NAA15: variants seen among roughly 807,000 people sequenced by gnomAD.
The protein encoded by NAA15 is N-alpha-acetyltransferase 15, NatA auxiliary subunit.
Under a neutral mutation model 114.0 loss-of-function variants are expected in NAA15, and 34 were observed. The observed-to-expected ratio is 0.30, with a 90% CI of 0.23 to 0.40. The LOEUF (loss-of-function observed/expected upper bound fraction) is 0.40. NAA15 is among the 10% of genes least tolerant of loss of function. The probability of loss-of-function intolerance (pLI) is 1.00; values close to 1 mark genes in which losing one functional copy is unlikely to be tolerated. For missense variants in NAA15, 658 were observed against 1,004.5 expected (o/e 0.66, Z 4.66); for synonymous variants, 340 against 338.0 (o/e 1.01, Z -0.06).
intron 1 of NAA15, among the ~76,000 whole-genome samples, chr4:139,331,729 T>C (rs1747012261): frequency 6.6e-6 from 1 of 151,288 alleles, no homozygotes; most frequent in South Asian, 2.1e-4. Context: ...CCTCCCAAAG[T>C]GCTGGGATTA....
At chr4:139,324,379 A>G (rs551234745) in intron 1 of NAA15, among the ~76,000 whole-genome samples, 8 of 152,330 alleles carry the variant, frequency 5.3e-5, no homozygotes, top group Non-Finnish European at 1.0e-4. Flanking sequence ...CATTTCTTCC[A>G]TAGCAAGGGA....
intron 19 of NAA15, among the ~76,000 whole-genome samples, chr4:139,387,162 T>C (rs1477006981): frequency 1.3e-5 from 2 of 152,224 alleles, no homozygotes; most frequent in Non-Finnish European, 2.9e-5. Context: ...AGTTGCTTTG[T>C]AACCTGGCAA....
intron 10 of NAA15, among the ~76,000 whole-genome samples, chr4:139,354,448 A>G (rs1747876479): frequency 6.6e-6 from 1 of 151,594 alleles, no homozygotes; most frequent in Admixed American, 6.6e-5. Context: ...ACAGACATGC[A>G]CCATCATGCC....
Position 139,349,324 on chromosome 4 carries a change from G to A in NAA15, c.692-138G>A. The A allele has an allele frequency of 6.0e-6, 4 of 667,226 alleles. No individual in the cohort carries two copies. The South Asian group carries it at 1.1e-4, about 18-fold the overall frequency. 41.3% of individuals were successfully genotyped at this position (667,226 alleles called of 1,614,324 possible). On this transcript the variant is annotated intron_variant, in intron 6 of 19. Transcript: ENST00000296543. ...ACATAACTTGGTAAATGATCTTAAG[G>A]GAACTGGAACCAGGTCCATCCACTT...
Position 139,351,272 on chromosome 4 carries a change from T to TA in NAA15, c.896dup (p.Asn299LysfsTer6). The TA allele has an allele frequency of 6.2e-7, 1 of 1,603,600 alleles. No homozygotes were observed. Among genetic ancestry groups the TA allele is most frequent in the Non-Finnish European group, 8.5e-7 (1 of 1,172,614 alleles). On this transcript the variant is annotated frameshift_variant, in exon 8 of 20. Coordinates refer to ENST00000296543, the MANE Select transcript of NAA15 (RefSeq NM_057175.5). LOFTEE classifies it high-confidence loss of function. ...GGACTGGTGCCAAGAAGGCTGCCGT[T>TA]AAACTTTTTATCTGGTAAGTGAGAA... is the stretch of plus-strand genomic sequence containing the variant.
intron 4 of NAA15, among the ~76,000 whole-genome samples, chr4:139,341,469 C>G (rs1747386051): frequency 6.6e-6 from 1 of 151,000 alleles, no homozygotes; most frequent in Non-Finnish European, 1.5e-5. Flanking sequence ...GTGGCAGGTG[C>G]CTGTAGTCTA....
At chr4:139,365,912 A>G (rs1748267356) in intron 14 of NAA15, among the ~76,000 whole-genome samples, 1 of 152,226 alleles carries the variant, frequency 6.6e-6, no homozygotes, top group African/African-American at 2.4e-5. Context: ...TAGCAAGGCT[A>G]CAAGTGGTAG....
chr4:139,342,420 A>G (rs542550868), intron 4 of NAA15, among the ~76,000 whole-genome samples: 37 of 150,344 alleles, frequency 2.5e-4, no homozygotes, highest in African/African-American at 8.8e-4. Flanking sequence ...AGTATTTTCT[A>G]TTATTGTTCC....
chr4:139,388,180 T>C lies in NAA15; in HGVS notation c.*96T>C. 1 of 974,724 alleles carries C rather than the reference T, an allele frequency of 1.0e-6. No individual in the cohort carries two copies. The highest frequency in any genetic ancestry group is 1.5e-6 in the Non-Finnish European group (1 of 657,820). The allele number at this position is 974,724 out of a possible 1,614,324, so 60.4% of individuals were successfully genotyped here. On this transcript the variant is annotated 3_prime_UTR_variant, in exon 20 of 20. Transcript: ENST00000296543. ...CTGCATTGCTCTAACTTACACAGAA[T>C]GAGAGGAGTAAATGTTCTTGCCTTC... is the stretch of plus-strand genomic sequence containing the variant.
intron 1 of NAA15, among the ~76,000 whole-genome samples, chr4:139,307,230 C>G (rs1210965592): frequency 1.3e-5 from 2 of 152,184 alleles, no homozygotes; most frequent in Non-Finnish European, 2.9e-5. Flanking sequence ...TATTTGTTAT[C>G]TGCTCTAATA....
In NAA15 at chr4:139,388,716, A is replaced by C. The variant is rs543858986; in HGVS notation, c.*632A>C. 4 of 152,660 alleles carry C rather than the reference A, an allele frequency of 2.6e-5. No homozygotes were observed. The highest frequency in any genetic ancestry group is 7.2e-5 in the African/African-American group (3 of 41,472). 9.5% of individuals were successfully genotyped at this position (152,660 alleles called of 1,614,324 possible). On this transcript the variant is annotated 3_prime_UTR_variant, in exon 20 of 20. Coordinates refer to ENST00000296543, the MANE Select transcript of NAA15 (RefSeq NM_057175.5). ...CTTGTGTTTCCAAAATTCACTGTAC[A>C]TGATCAGTTTGGTGTTCTTGTACCA... is the stretch of plus-strand genomic sequence containing the variant.
At chr4:139,315,003 T>TTC (rs1560952750) in intron 1 of NAA15, among the ~76,000 whole-genome samples, 5 of 79,304 alleles carry the variant, frequency 6.3e-5, no homozygotes, top group Non-Finnish European at 9.5e-5. Flanking sequence ...CAGTTCAGTT[T>TTC]AGTTTAGGTT....
At chr4:139,318,086 T>A (rs1044037013) in intron 1 of NAA15, among the ~76,000 whole-genome samples, 2 of 152,254 alleles carry the variant, frequency 1.3e-5, no homozygotes, top group African/African-American at 4.8e-5. Flanking sequence ...ACCATATATG[T>A]AATTTTCACT....
intron 16 of NAA15, among the ~76,000 whole-genome samples, chr4:139,377,862 A>T (rs557220274): frequency 6.9e-4 from 105 of 152,328 alleles, no homozygotes; most frequent in African/African-American, 2.4e-3. Flanking sequence ...AAATTCTTAA[A>T]TGGAACCCCA....
At chr4:139,365,694 C>A (rs1396432159) in intron 14 of NAA15, among the ~76,000 whole-genome samples, 2 of 151,730 alleles carry the variant, frequency 1.3e-5, no homozygotes, top group Admixed American at 1.3e-4. Flanking sequence ...AAACCCCAAC[C>A]AACCAAACAA....
At chr4:139,309,455 G>GTGTGTGTGTGTGTGTA (rs1553991978) in intron 1 of NAA15, among the ~76,000 whole-genome samples, 17 of 150,416 alleles carry the variant, frequency 1.1e-4, no homozygotes, top group African/African-American at 4.2e-4. Flanking sequence ...GTGTGTGTGT[G>GTGTGTGTGTGTGTGTA]TGTGTGTGTG....
Position 139,376,492 on chromosome 4 carries a change from G to C in NAA15, c.2056+19G>C, listed in dbSNP as rs761049649. ...AGGAAAGGTAGGCAATTAGGGTACA[G>C]TGGCCCTGACAAAACTGATCACTGT... On this transcript the variant is annotated intron_variant, in intron 16 of 19. Transcript: ENST00000296543. 4 of 1,441,680 alleles carry C rather than the reference G, an allele frequency of 2.8e-6. No homozygotes were observed. In the Admixed American group the frequency reaches 6.7e-5, roughly 24 times the overall value. 89.3% of individuals were successfully genotyped at this position (1,441,680 alleles called of 1,614,324 possible).
In NAA15 at chr4:139,349,584, A is replaced by G. The variant is rs1747713502; in HGVS notation, c.811+3A>G. The G allele has an allele frequency of 6.3e-7, 1 of 1,593,990 alleles. No homozygotes were observed. The highest frequency in any genetic ancestry group is 8.5e-7 in the Non-Finnish European group (1 of 1,175,060). On this transcript the variant is annotated splice_donor_region_variant and intron_variant, in intron 7 of 19. Coordinates refer to ENST00000296543, the MANE Select transcript of NAA15 (RefSeq NM_057175.5). Reference sequence around the variant, plus strand: ...CTTGGAAAAAGCACTCAAGCCAGGTAGTATTGTTTAAAACTTACTAAGTTT... The same window carrying G: ...CTTGGAAAAAGCACTCAAGCCAGGTGGTATTGTTTAAAACTTACTAAGTTT...
At position 139,334,262 on chromosome 4, in the gene NAA15, A is replaced by AG. The variant is rs756516309; in HGVS notation, c.139+5dup. On this transcript the variant is annotated splice_donor_region_variant and intron_variant, in intron 2 of 19. Coordinates refer to ENST00000296543, the MANE Select transcript of NAA15 (RefSeq NM_057175.5). ...CCCAAATTTGCAGAGCATGGAGGTAAGTGCAAGTAGATAAAGCTTTACTAC... is the reference window on the plus strand; with the variant it reads ...CCCAAATTTGCAGAGCATGGAGGTAAGGTGCAAGTAGATAAAGCTTTACTAC... The AG allele has an allele frequency of 2.5e-6, 4 of 1,579,166 alleles. No homozygotes were observed.
Sources: gnomAD v4.1 joint callset for allele counts (sites outside exome capture counted in the v4.1 genomes callset) on GRCh38, gnomAD v4.1.1 for gene constraint, MANE v1.5 for transcripts, NCBI Gene and HGNC (gene_info 2026-07-23, HGNC 2026-07-21) for gene names.